The following SPTA1 variants were observed in gnomAD, a reference collection of about 807,000 sequenced individuals.
SPTA1 encodes spectrin alpha, erythrocytic 1, also known as spectrin alpha chain, erythrocytic 1.
Under a neutral mutation model 324.7 loss-of-function variants are expected in SPTA1, and 177 were observed. The ratio of observed to expected loss-of-function variants is 0.55; its 90% CI spans 0.48 to 0.62. The LOEUF (loss-of-function observed/expected upper bound fraction) is 0.62. SPTA1 is among the 20% of genes least tolerant of loss of function. The pLI, the probability that SPTA1 is intolerant of heterozygous loss-of-function variation, is 0.00. For synonymous variants in SPTA1, 1,195 were observed against 1,041.3 expected, an observed-to-expected ratio of 1.15 and a Z score of -2.84; for missense variants, 3,162 against 2,883.6, an observed-to-expected ratio of 1.10 and a Z score of -2.21.
At chr1:158,666,128 A>ATAATAATTACTTATTAAG (rs545320279) in intron 16 of SPTA1, among the ~76,000 whole-genome samples, 188 bp downstream of exon 16, 2 of 152,070 alleles carry the variant, frequency 1.3e-5, no homozygotes, top group African/African-American at 4.8e-5. Flanking sequence ...TCTCTGAATA[A>ATAATAATTACTTATTAAG]TAATAATTAC....
chr1:158,655,214 C>T (rs947836814), intron 20 of SPTA1, among the ~76,000 whole-genome samples: 3 of 151,850 alleles, frequency 2.0e-5, no homozygotes, highest in Non-Finnish European at 2.9e-5. Context: ...TCAGGAGCTC[C>T]GGACCTTCTA....
At chr1:158,653,210 G>T (rs1302947634) in intron 22 of SPTA1, 64 bp downstream of exon 22, 13 of 1,611,262 alleles carry the variant, frequency 8.1e-6, no homozygotes, top group Non-Finnish European at 1.1e-5. Flanking sequence ...GTCATGAGAA[G>T]AAATGCCTTT....
At chr1:158,666,618 T>C in intron 15 of SPTA1, 121 bp from the exon 16 acceptor site, 1 of 897,660 alleles carries the variant, frequency 1.1e-6, no homozygotes, top group Non-Finnish European at 1.8e-6. Context: ...GAGGGAAATA[T>C]AACTGTCTCA....
chr1:158,677,635 C>A, intron 7 of SPTA1, 55 bp downstream of exon 7: 1 of 1,604,362 alleles, frequency 6.2e-7, no homozygotes, highest in Non-Finnish European at 8.5e-7. Flanking sequence ...GCAAGATAAT[C>A]AACAATTGCC....
In SPTA1 at chr1:158,667,953, A is replaced by G. The variant is rs745692750; in HGVS notation, c.1943T>C (p.Ile648Thr). Residue 648 changes from isoleucine to threonine, a missense_variant, in exon 15 of 52, where the codon ATT becomes ACT. Physicochemically the swap from Ile to Thr is moderately conservative, Grantham distance 89. Coordinates refer to ENST00000643759, the MANE Select transcript of SPTA1 (RefSeq NM_003126.4). ...ENIQKTGQEMIEGGHYASDNV... is the reference protein window; with the variant it reads ...ENIQKTGQEMTEGGHYASDNV... ...GTCAGAGGCATAGTGACCACCCTCA[A>G]TCATCTCTTGGCCAGTTTTCTGTAT... 4.3e-6 allele frequency: 7 copies of G among 1,613,926 alleles called. No homozygotes were observed. The highest frequency in any genetic ancestry group is 5.9e-6 in the Non-Finnish European group (7 of 1,180,012).
At chr1:158,670,675 G>A (rs937552099) in intron 12 of SPTA1, among the ~76,000 whole-genome samples, 1 of 152,100 alleles carries the variant, frequency 6.6e-6, no homozygotes, top group Non-Finnish European at 1.5e-5. Flanking sequence ...ACTTCTCTGA[G>A]TCCTGCCTTC....
At position 158,676,342 on chromosome 1, in the gene SPTA1, T is replaced by C. The variant is rs1261202204; in HGVS notation, c.958-47A>G. 4 of 1,607,480 alleles carry C rather than the reference T, an allele frequency of 2.5e-6. No individual in the cohort carries two copies. In the East Asian group the frequency reaches 8.9e-5, roughly 36 times the overall value. On this transcript the variant is annotated intron_variant, in intron 7 of 51. Coordinates refer to ENST00000643759, the MANE Select transcript of SPTA1 (RefSeq NM_003126.4). ...TAGTAGGAAATCCAAGTACTCTGACTCCCCCTGGCAAAGCTTTGTGGGAGA... is the reference window on the plus strand; with the variant it reads ...TAGTAGGAAATCCAAGTACTCTGACCCCCCCTGGCAAAGCTTTGTGGGAGA...
chr1:158,674,594 C>A lies in SPTA1; in HGVS notation c.1194G>T (p.Leu398=), dbSNP rs755508251. The A allele has an allele frequency of 4.3e-6, 7 of 1,614,130 alleles. No homozygotes were observed. Among genetic ancestry groups the A allele is most frequent in the Non-Finnish European group, 5.1e-6 (6 of 1,180,020 alleles). The change falls in exon 9 of 52, where the codon CTG becomes CTT. Residue 398 remains leucine, a synonymous_variant. Transcript: ENST00000643759. ...CTTCTCCACCAGCCACATCTGTTGG[C>A]AGCTCATCAGCATTGATCGCAGCAG... The part of the protein sequence containing the change: ...EKTAAINADE[L]PTDVAGGEVL...
At chr1:158,646,432 T>C (rs981533457) in intron 27 of SPTA1, among the ~76,000 whole-genome samples, 6 of 152,166 alleles carry the variant, frequency 3.9e-5, no homozygotes, top group African/African-American at 1.4e-4. Flanking sequence ...AAGGCATATC[T>C]GTGCCTTCTA....
rs781567730 is a variant in SPTA1, at chr1:158,643,005, C to T, written c.4443-29G>A. On this transcript the variant is annotated intron_variant, in intron 31 of 51. Transcript: ENST00000643759. ...GAGGACGGAGCCAAATCACTCTATG[C>T]CCTCCTCCACCCTTCCCATGCTCTG... The T allele has an allele frequency of 3.1e-6, 5 of 1,612,446 alleles. No homozygotes were observed. The African/African-American group carries it at 5.3e-5, about 17-fold the overall frequency.
At chr1:158,626,424 T>A (rs1438950355) in intron 41 of SPTA1, among the ~76,000 whole-genome samples, 2 of 152,154 alleles carry the variant, frequency 1.3e-5, no homozygotes, top group Non-Finnish European at 2.9e-5. Flanking sequence ...AGAGCTAGGG[T>A]CTTGAGAGCT....
chr1:158,622,930 T>G (rs1274158509), intron 43 of SPTA1, 53 bp downstream of exon 43: 1 of 1,466,002 alleles, frequency 6.8e-7, no homozygotes, highest in South Asian at 1.1e-5. Flanking sequence ...CCGAATTTCA[T>G]GGCTAATATA....
chr1:158,627,851 C>T (rs1650382008), intron 39 of SPTA1, 128 bp from the exon 40 acceptor site: 1 of 851,988 alleles, frequency 1.2e-6, no homozygotes, highest in Admixed American at 2.0e-5. Flanking sequence ...AGGTGAATGC[C>T]CACTTTTTCT....
Position 158,620,457 on chromosome 1 carries a change from G to C in SPTA1, c.6130C>G (p.Leu2044Val). The change falls in exon 44 of 52, where the codon CTG becomes GTG. Residue 2044 changes from leucine to valine, a missense_variant. Coordinates refer to ENST00000643759, the MANE Select transcript of SPTA1 (RefSeq NM_003126.4). Reference protein sequence around the residue: ...KQLPLQKAEDLFVEFAHKASA... With the variant: ...KQLPLQKAEDVFVEFAHKASA... ...GCCTTATGTGCAAATTCCACGAACAGGTCCTCAGCCTGCAGAGAGAAAAAA... is the reference window on the plus strand; with the variant it reads ...GCCTTATGTGCAAATTCCACGAACACGTCCTCAGCCTGCAGAGAGAAAAAA... The C allele has an allele frequency of 6.2e-7, 1 of 1,612,782 alleles. No individual in the cohort carries two copies. The highest frequency in any genetic ancestry group is 2.2e-5 in the East Asian group (1 of 44,870).
intron 37 of SPTA1, among the ~76,000 whole-genome samples, chr1:158,636,324 A>G (rs1201979325): frequency 6.6e-6 from 1 of 152,142 alleles, no homozygotes; most frequent in Non-Finnish European, 1.5e-5. Context: ...GCCAAGTCAG[A>G]CCCAGAGTTG....
chr1:158,619,418 A>C, intron 44 of SPTA1, 84 bp from the exon 45 acceptor site: 1 of 1,307,510 alleles, frequency 7.6e-7, no homozygotes, highest in Non-Finnish European at 1.1e-6. Context: ...GCTTAACTGC[A>C]TATCTTTCCT....
intron 3 of SPTA1, 21 bp downstream of exon 3, chr1:158,683,350 T>C: frequency 6.2e-7 from 1 of 1,612,912 alleles, no homozygotes; most frequent in Non-Finnish European, 8.5e-7. Flanking sequence ...TGGAAACTTC[T>C]TCAAGGGCCC....
intron 1 of SPTA1, among the ~76,000 whole-genome samples, chr1:158,686,079 A>G (rs191550709): frequency 8.5e-5 from 13 of 152,362 alleles, no homozygotes; most frequent in Non-Finnish European, 1.8e-4. Context: ...TCTTCTGGAT[A>G]TGGATACCAT....
intron 30 of SPTA1, among the ~76,000 whole-genome samples, 168 bp downstream of exon 30, chr1:158,644,085 C>T (rs895472800): frequency 4.7e-5 from 7 of 149,616 alleles, no homozygotes; most frequent in East Asian, 3.9e-4. Context: ...TGCAGTCAGC[C>T]GAGATCACAC....
Sources: gnomAD v4.1 joint callset for allele counts (sites outside exome capture counted in the v4.1 genomes callset) on GRCh38, gnomAD v4.1.1 for gene constraint, MANE v1.5 for transcripts, NCBI Gene and HGNC (gene_info 2026-07-23, HGNC 2026-07-21) for gene names.